The following ARHGAP10 variants were observed in gnomAD, a reference collection of about 807,000 sequenced individuals.
The protein encoded by ARHGAP10 is rho GTPase-activating protein 10.
A neutral mutation model predicts 108.6 loss-of-function variants in ARHGAP10; 87 were observed. The observed-to-expected ratio is 0.80, with a 90% CI of 0.67 to 0.96. The LOEUF (loss-of-function observed/expected upper bound fraction) is 0.96. Ranked by LOEUF, ARHGAP10 falls within the 40% of genes least tolerant of loss-of-function variation. ARHGAP10 has a pLI of 0.00. For synonymous variants in ARHGAP10, 347 were observed against 341.1 expected (o/e 1.02, Z -0.19); for missense variants, 939 against 954.5 (o/e 0.98, Z 0.21).
chr4:148,039,847 T>C (rs1728555295), intron 19 of ARHGAP10, among the ~76,000 whole-genome samples: 1 of 152,188 alleles, frequency 6.6e-6, no homozygotes, highest in Non-Finnish European at 1.5e-5. Flanking sequence ...CTTTGATTAT[T>C]ATTTAAATAT....
At position 147,936,317 on chromosome 4, in the gene ARHGAP10, CTTTTTTT is replaced by C. The variant is rs765432394; in HGVS notation, c.1229-3492_1229-3486del. Among the ~76,000 whole-genome samples the C allele has an allele frequency of 7.2e-5, 7 of 97,894 alleles. No individual in the cohort carries two copies. The South Asian group carries it at 2.0e-3, about 28-fold the overall frequency. The allele number at this position is 97,894 out of a possible 152,430, so 64.2% of individuals were successfully genotyped here. On this transcript the variant is annotated intron_variant, in intron 13 of 22. Transcript: ENST00000336498. ...GGGCTGTGCGGCCTCCTTTTCCTCT[CTTTTTTT>C]TTTTTTTTTTTTTTTGAGATGGAGT...
intron 22 of ARHGAP10, among the ~76,000 whole-genome samples, chr4:148,070,007 C>T (rs1048378548): frequency 6.6e-6 from 1 of 152,194 alleles, no homozygotes; most frequent in Non-Finnish European, 1.5e-5. Context: ...TAACTTGCTG[C>T]CAGATCGCTT....
At chr4:148,027,893 G>T (rs1364276842) in intron 19 of ARHGAP10, among the ~76,000 whole-genome samples, 1 of 151,980 alleles carries the variant, frequency 6.6e-6, no homozygotes, top group Non-Finnish European at 1.5e-5. Context: ...TAGCCATTTG[G>T]AAGTTTTTTT....
intron 18 of ARHGAP10, 138 bp downstream of exon 18, chr4:147,966,977 A>T: frequency 1.3e-6 from 1 of 771,398 alleles, no homozygotes; most frequent in Non-Finnish European, 1.9e-6. Flanking sequence ...GCTTGGTTCT[A>T]AGAAGTTCTC....
At chr4:147,797,266 C>T (rs1297682437) in intron 1 of ARHGAP10, among the ~76,000 whole-genome samples, 2 of 151,966 alleles carry the variant, frequency 1.3e-5, no homozygotes, top group Admixed American at 6.5e-5. Flanking sequence ...CCTTATTACC[C>T]TCCAGATGAA....
chr4:147,816,116 C>T (rs543694564), intron 1 of ARHGAP10, among the ~76,000 whole-genome samples: 66 of 152,144 alleles, frequency 4.3e-4, no homozygotes, highest in East Asian at 1.9e-4. Flanking sequence ...GCTAGGTGGT[C>T]GCCAGCATTC....
At chr4:147,757,968 C>A (rs149626021) in intron 1 of ARHGAP10, among the ~76,000 whole-genome samples, 1 of 152,118 alleles carries the variant, frequency 6.6e-6, no homozygotes, top group Non-Finnish European at 1.5e-5. Context: ...AAGCCTGGTA[C>A]GTGTGCCATA....
chr4:147,833,179 G>A (rs945376427), intron 3 of ARHGAP10, among the ~76,000 whole-genome samples: 33 of 152,288 alleles, frequency 2.2e-4, no homozygotes, highest in African/African-American at 7.2e-4. Context: ...ATACGGTTTG[G>A]CTCTGTGTCC....
intron 3 of ARHGAP10, among the ~76,000 whole-genome samples, chr4:147,846,362 T>G (rs1414224212): frequency 6.6e-6 from 1 of 152,206 alleles, no homozygotes; most frequent in African/African-American, 2.4e-5. Context: ...GTTTCGAGAT[T>G]TTCTTTTCTA....
At chr4:147,839,281 C>T (rs1176081716) in intron 3 of ARHGAP10, among the ~76,000 whole-genome samples, 2 of 152,094 alleles carry the variant, frequency 1.3e-5, no homozygotes, top group Admixed American at 1.3e-4. Flanking sequence ...ACAGAATTTT[C>T]CCTTTAGTTT....
chr4:147,879,467 CTTTGT>C (rs1228589867), intron 9 of ARHGAP10, 129 bp downstream of exon 9: 9 of 793,082 alleles, frequency 1.1e-5, no homozygotes, highest in African/African-American at 1.8e-5. Flanking sequence ...GTATTAAAAT[CTTTGT>C]TTTGTTTTTG....
intron 7 of ARHGAP10, among the ~76,000 whole-genome samples, chr4:147,873,681 A>AAACACACACAC (rs749604498): frequency 1.0e-5 from 1 of 98,720 alleles, no homozygotes; most frequent in African/African-American, 3.6e-5. Flanking sequence ...CAAAAAACAA[A>AAACACACACAC]ACACACACAC....
chr4:147,911,643 T>G (rs905372268), intron 12 of ARHGAP10, among the ~76,000 whole-genome samples: 1 of 148,606 alleles, frequency 6.7e-6, no homozygotes, highest in Non-Finnish European at 1.5e-5. Flanking sequence ...ATTACAGGCG[T>G]GAGCCACCGC....
intron 19 of ARHGAP10, among the ~76,000 whole-genome samples, chr4:148,026,775 C>G (rs1388591761): frequency 1.3e-5 from 2 of 152,058 alleles, no homozygotes; most frequent in Non-Finnish European, 1.5e-5. Context: ...GTAGATTTGG[C>G]TAAGTCAGTT....
intron 18 of ARHGAP10, among the ~76,000 whole-genome samples, chr4:148,007,041 G>A (rs1426549641): frequency 6.6e-6 from 1 of 152,182 alleles, no homozygotes; most frequent in Non-Finnish European, 1.5e-5. Context: ...GAAATTGCCT[G>A]TAGGTGCGGT....
intron 1 of ARHGAP10, among the ~76,000 whole-genome samples, chr4:147,767,492 T>C (rs1456922223): frequency 4.6e-5 from 7 of 152,018 alleles, no homozygotes; most frequent in Non-Finnish European, 1.0e-4. Context: ...ACCTAAATAA[T>C]AACTTTAAAA....
intron 19 of ARHGAP10, among the ~76,000 whole-genome samples, chr4:148,039,475 T>C (rs541247601): frequency 2.0e-5 from 3 of 150,970 alleles, no homozygotes; most frequent in African/African-American, 7.3e-5. Context: ...TTTCTTTGTA[T>C]TTTTAGTAAA....
intron 9 of ARHGAP10, among the ~76,000 whole-genome samples, chr4:147,879,996 A>C (rs1408161455): frequency 6.6e-6 from 1 of 152,244 alleles, no homozygotes; most frequent in African/African-American, 2.4e-5. Context: ...CATCTTACAA[A>C]GTTCTCACAT....
At chr4:147,807,831 C>T (rs889260434) in intron 1 of ARHGAP10, among the ~76,000 whole-genome samples, 6 of 152,202 alleles carry the variant, frequency 3.9e-5, no homozygotes, top group African/African-American at 1.4e-4. Context: ...CTAGCAGTCT[C>T]CTGCCTAGTG....
Sources: allele counts gnomAD v4.1 joint callset (sites outside exome capture counted in the v4.1 genomes callset), GRCh38; gene constraint gnomAD v4.1.1; transcripts MANE v1.5; gene names NCBI Gene and HGNC (gene_info 2026-07-23, HGNC 2026-07-21).